CSMD1: variants seen among roughly 807,000 people sequenced by gnomAD.
CSMD1 encodes CUB and sushi domain-containing protein 1.
A neutral mutation model predicts 417.5 loss-of-function variants in CSMD1; 213 were observed. That is an observed-to-expected ratio of 0.51 (90% CI 0.46 to 0.57). The LOEUF (loss-of-function observed/expected upper bound fraction) is 0.57. CSMD1 is among the 20% of genes least tolerant of loss of function. The probability of loss-of-function intolerance (pLI) is 0.00; values close to 1 mark genes in which losing one functional copy is unlikely to be tolerated. For missense variants in CSMD1, 6,923 were observed against 4,529.7 expected (o/e 1.53, Z -15.17); for synonymous variants, 2,862 against 1,736.8 (o/e 1.65, Z -16.11).
chr8:4,383,357 T>A (rs1324066611), intron 3 of CSMD1, among the ~76,000 whole-genome samples: 2 of 152,320 alleles, frequency 1.3e-5, no homozygotes, highest in African/African-American at 4.8e-5. Context: ...GAGAGAGTTT[T>A]CTTTTGCTTA....
At chr8:4,403,416 AAG>A (rs1301913376) in intron 3 of CSMD1, among the ~76,000 whole-genome samples, 1 of 152,188 alleles carries the variant, frequency 6.6e-6, no homozygotes, top group Non-Finnish European at 1.5e-5. Context: ...CCACAGAAGT[AAG>A]AGTTTCACAC....
chr8:4,206,014 A>T (rs1222322854), intron 3 of CSMD1, among the ~76,000 whole-genome samples: 2 of 152,196 alleles, frequency 1.3e-5, no homozygotes, highest in Admixed American at 1.3e-4. Flanking sequence ...TTCTTCAGAA[A>T]CTACATAGTT....
chr8:4,444,970 A>T (rs1470999526), intron 2 of CSMD1, among the ~76,000 whole-genome samples: 1 of 152,228 alleles, frequency 6.6e-6, no homozygotes, highest in Non-Finnish European at 1.5e-5. Flanking sequence ...ACTGTGTTAA[A>T]GAAATGTTAT....
chr8:4,298,629 G>A (rs993069752), intron 3 of CSMD1, among the ~76,000 whole-genome samples: 13 of 152,022 alleles, frequency 8.6e-5, no homozygotes, highest in Non-Finnish European at 1.5e-4. Flanking sequence ...AAACGTTATA[G>A]AACATCACAA....
At chr8:4,266,610 A>C (rs1257518512) in intron 3 of CSMD1, among the ~76,000 whole-genome samples, 2 of 105,272 alleles carry the variant, frequency 1.9e-5, no homozygotes, top group Non-Finnish European at 5.1e-5. Context: ...CTAATGGCGT[A>C]AAGTGACCTG....
intron 18 of CSMD1, among the ~76,000 whole-genome samples, chr8:3,381,118 G>A (rs1459595703): frequency 6.6e-6 from 1 of 152,078 alleles, no homozygotes; most frequent in Admixed American, 6.6e-5. Flanking sequence ...GTAATTCAAT[G>A]ACTGTGCTAT....
At chr8:4,711,510 G>C (rs1808294079) in intron 1 of CSMD1, among the ~76,000 whole-genome samples, 1 of 151,508 alleles carries the variant, frequency 6.6e-6, no homozygotes, top group African/African-American at 2.4e-5. Flanking sequence ...AGTATTTTTG[G>C]GACATCTGTC....
At chr8:3,416,711 G>C (rs534514708) in intron 12 of CSMD1, among the ~76,000 whole-genome samples, 1 of 152,262 alleles carries the variant, frequency 6.6e-6, no homozygotes, top group African/African-American at 2.4e-5. Context: ...TTGATGGCAT[G>C]TCAGGCAAGG....
At chr8:4,976,385 CATTAA>C (rs1357498847) in intron 1 of CSMD1, among the ~76,000 whole-genome samples, 1 of 152,188 alleles carries the variant, frequency 6.6e-6, no homozygotes, top group Non-Finnish European at 1.5e-5. Flanking sequence ...TTACATACTA[CATTAA>C]ATTAATGAAG....
At chr8:4,610,844 G>A (rs546976173) in intron 2 of CSMD1, among the ~76,000 whole-genome samples, 117 of 152,266 alleles carry the variant, frequency 7.7e-4, no homozygotes, top group Non-Finnish European at 8.7e-4. Flanking sequence ...AACTGCATGT[G>A]TGGCGAAAAC....
At position 3,307,679 on chromosome 8, in the gene CSMD1, A is replaced by AAAATAAAACAAGTACCT. The variant is rs777818028; in HGVS notation, c.3949_3950+15dup. On this transcript the variant is annotated intron_variant, in intron 25 of 69. Coordinates refer to ENST00000635120, the MANE Select transcript of CSMD1 (RefSeq NM_033225.6). ...TCTCTTTTCTCAAATCACTGAAACC[A>AAAATAAAACAAGTACCT]AAATAAAACAAGTACCTAATGGTCT... is the stretch of plus-strand genomic sequence containing the variant. 1.2e-6 allele frequency: 2 copies of AAAATAAAACAAGTACCT among 1,611,000 alleles called. No individual in the cohort carries two copies. Among genetic ancestry groups the AAAATAAAACAAGTACCT allele is most frequent in the Non-Finnish European group, 1.7e-6 (2 of 1,178,558 alleles).
intron 1 of CSMD1, among the ~76,000 whole-genome samples, chr8:4,942,594 G>C (rs979372555): frequency 6.6e-6 from 1 of 152,004 alleles, no homozygotes; most frequent in Non-Finnish European, 1.5e-5. Flanking sequence ...TAATGACTAA[G>C]TCATCAAGAA....
intron 3 of CSMD1, among the ~76,000 whole-genome samples, chr8:4,294,253 C>T (rs1284407342): frequency 6.6e-6 from 1 of 152,132 alleles, no homozygotes; most frequent in South Asian, 2.1e-4. Flanking sequence ...GCATATAGAT[C>T]GTGTGACAAA....
chr8:4,121,842 AG>A (rs1210876454), intron 3 of CSMD1, among the ~76,000 whole-genome samples: 2 of 152,126 alleles, frequency 1.3e-5, no homozygotes, highest in Non-Finnish European at 2.9e-5. Context: ...GGACAAAAAA[AG>A]CATTCTTTTT....
At chr8:3,726,626 C>T (rs1483485821) in intron 6 of CSMD1, among the ~76,000 whole-genome samples, 1 of 152,110 alleles carries the variant, frequency 6.6e-6, no homozygotes, top group African/African-American at 2.4e-5. Context: ...AGGGTAGGTA[C>T]ATCAATCCTT....
chr8:3,156,404 G>A (rs574045812), intron 39 of CSMD1, among the ~76,000 whole-genome samples: 3 of 152,324 alleles, frequency 2.0e-5, no homozygotes, highest in Non-Finnish European at 4.4e-5. Flanking sequence ...TCTACCATGT[G>A]CTGAAGATAC....
At chr8:4,181,954 C>CTGAGTGTG (rs1214294145) in intron 3 of CSMD1, among the ~76,000 whole-genome samples, 1 of 23,968 alleles carries the variant, frequency 4.2e-5, no homozygotes, top group Non-Finnish European at 9.4e-5. Context: ...TTGTCTGTGT[C>CTGAGTGTG]TGCGTGTGTG....
chr8:3,896,674 C>G (rs563465403), intron 5 of CSMD1, among the ~76,000 whole-genome samples: 1 of 151,884 alleles, frequency 6.6e-6, no homozygotes, highest in African/African-American at 2.4e-5. Context: ...ACCACACTGG[C>G]TAATTTTTCT....
Position 2,960,374 on chromosome 8 carries a change from A to T in CSMD1, c.9702+767T>A, listed in dbSNP as rs183861393. 5.0e-4 allele frequency among the ~76,000 whole-genome samples: 76 copies of T among 152,310 alleles called. 1 individual carries two copies. Among genetic ancestry groups the T allele is most frequent in the Non-Finnish European group, 3.2e-4 (22 of 68,032 alleles). On this transcript the variant is annotated intron_variant, in intron 62 of 69. Coordinates refer to ENST00000635120, the MANE Select transcript of CSMD1 (RefSeq NM_033225.6). The stretch of plus-strand genomic sequence containing the variant: ...ATGGGAATATTTTCGTGCTCACGAG[A>T]GATGGGGAAAGTGGCTGAGGAAGAA...
Sources: gnomAD v4.1 joint callset for allele counts (sites outside exome capture counted in the v4.1 genomes callset) on GRCh38, gnomAD v4.1.1 for gene constraint, MANE v1.5 for transcripts, NCBI Gene and HGNC (gene_info 2026-07-23, HGNC 2026-07-21) for gene names.